The following SNX29 variants were observed in gnomAD, a reference collection of about 807,000 sequenced individuals.
The protein encoded by SNX29 is sorting nexin 29, also known as sorting nexin-29.
In SNX29, 78 loss-of-function variants were observed where a neutral mutation model predicts 102.1. That is an observed-to-expected ratio of 0.76 (90% CI 0.64 to 0.92). The LOEUF (loss-of-function observed/expected upper bound fraction) is 0.92. SNX29 is among the 40% of genes least tolerant of loss of function. SNX29 has a pLI of 0.00. For missense variants in SNX29, 1,280 were observed against 1,061.7 expected (o/e 1.21, Z -2.86); for synonymous variants, 580 against 414.5 (o/e 1.40, Z -4.85).
At chr16:12,448,584 T>C (rs2086166805) in intron 18 of SNX29, among the ~76,000 whole-genome samples, 2 of 152,166 alleles carry the variant, frequency 1.3e-5, no homozygotes, top group Non-Finnish European at 2.9e-5. Context: ...CTAAAGGTTC[T>C]GAGAAGTTGA....
chr16:12,086,641 C>G (rs1216641604), intron 11 of SNX29: 1 of 152,168 alleles, frequency 6.6e-6, no homozygotes, highest in Non-Finnish European at 1.5e-5. Flanking sequence ...TCTTGAACTC[C>G]TGGTCTCAGA....
chr16:12,564,692 G>A (rs193076333), intron 20 of SNX29, among the ~76,000 whole-genome samples: 9 of 152,150 alleles, frequency 5.9e-5, no homozygotes, highest in Non-Finnish European at 7.3e-5. Flanking sequence ...CTGTTGCTTA[G>A]GCCCCAGAGC....
At chr16:12,423,359 T>C (rs914815779) in intron 18 of SNX29, among the ~76,000 whole-genome samples, 1 of 152,070 alleles carries the variant, frequency 6.6e-6, no homozygotes, top group African/African-American at 2.4e-5. Context: ...AACCTCAGGA[T>C]GAACATCGGG....
intron 20 of SNX29, among the ~76,000 whole-genome samples, chr16:12,555,046 C>G (rs1239003841): frequency 2.0e-5 from 3 of 151,600 alleles, no homozygotes; most frequent in African/African-American, 7.3e-5. Flanking sequence ...ACCGAGCAGC[C>G]TCAAGAGGCT....
intron 16 of SNX29, among the ~76,000 whole-genome samples, chr16:12,356,808 G>T (rs1190540675): frequency 1.3e-5 from 2 of 152,258 alleles, no homozygotes; most frequent in African/African-American, 4.8e-5. Flanking sequence ...ATTGTGGGAT[G>T]TCTAGCAGCG....
chr16:12,323,412 C>T (rs923021125), intron 15 of SNX29, among the ~76,000 whole-genome samples: 20 of 151,776 alleles, frequency 1.3e-4, no homozygotes, highest in Non-Finnish European at 2.1e-4. Flanking sequence ...GTAAAGAAAA[C>T]GAGCATCATT....
rs1226625162 is a variant in SNX29 at position 12,371,215 on chromosome 16, C to G, written c.1899+14936C>G. 2.0e-5 allele frequency among the ~76,000 whole-genome samples: 3 copies of G among 152,108 alleles called. No individual in the cohort carries two copies. The East Asian group carries it at 5.8e-4, about 30-fold the overall frequency. On this transcript the variant is annotated intron_variant, in intron 16 of 20. Transcript: ENST00000566228. ...TTGATAAAGTTGGAAGAACTTCAAGCTCCTTTGGACCAACCTTCCTTCCTT... is the reference window on the plus strand; with the variant it reads ...TTGATAAAGTTGGAAGAACTTCAAGGTCCTTTGGACCAACCTTCCTTCCTT...
At chr16:12,106,407 G>A (rs946603585) in intron 11 of SNX29, among the ~76,000 whole-genome samples, 1 of 152,084 alleles carries the variant, frequency 6.6e-6, no homozygotes, top group Non-Finnish European at 1.5e-5. Flanking sequence ...TTGTCCACGT[G>A]TCCATCACAT....
chr16:12,260,479 G>A (rs1021719478), intron 14 of SNX29, among the ~76,000 whole-genome samples: 2 of 151,850 alleles, frequency 1.3e-5, no homozygotes, highest in Admixed American at 6.5e-5. Flanking sequence ...CATGTTATCT[G>A]TTGTTGTCTA....
chr16:12,565,835 C>T (rs769559393), intron 20 of SNX29, among the ~76,000 whole-genome samples: 7 of 152,206 alleles, frequency 4.6e-5, no homozygotes, highest in Admixed American at 1.3e-4. Context: ...ACCCTCCACA[C>T]CTCTGCCTCC....
chr16:12,475,197 G>A (rs954448916), intron 18 of SNX29, among the ~76,000 whole-genome samples: 2 of 152,176 alleles, frequency 1.3e-5, no homozygotes, highest in Non-Finnish European at 1.5e-5. Flanking sequence ...TTACATCAGG[G>A]GTTCCTGAAA....
In SNX29 at chr16:11,976,820, G is replaced by A. The variant is rs1354508424; in HGVS notation, c.7+7G>A. The stretch of plus-strand genomic sequence containing the variant: ...GGGAGAGGCACCATGAGCGGTGAGT[G>A]GCGGCCCCGCCGCTGTCACCTGCCC... On this transcript the variant is annotated splice_region_variant and intron_variant, in intron 1 of 20. Transcript: ENST00000566228. 1 of 1,375,936 alleles carries A rather than the reference G, an allele frequency of 7.3e-7. No individual in the cohort carries two copies. The highest frequency in any genetic ancestry group is 9.4e-7 in the Non-Finnish European group (1 of 1,064,248). The allele number at this position is 1,375,936 out of a possible 1,614,324, so 85.2% of individuals were successfully genotyped here.
chr16:12,156,946 C>G (rs1023586459), intron 13 of SNX29, among the ~76,000 whole-genome samples: 1 of 152,106 alleles, frequency 6.6e-6, no homozygotes, highest in Non-Finnish European at 1.5e-5. Flanking sequence ...GCAGGGAGGC[C>G]CCTGTTTTAG....
At chr16:12,321,774 C>G (rs767930978) in intron 15 of SNX29, among the ~76,000 whole-genome samples, 1 of 152,116 alleles carries the variant, frequency 6.6e-6, no homozygotes, top group Non-Finnish European at 1.5e-5. Flanking sequence ...AGTCATAGAT[C>G]TAGTTCTCAG....
In SNX29 at chr16:12,413,138, G is replaced by A. The variant is rs545316338; in HGVS notation, c.2037+9609G>A. On this transcript the variant is annotated intron_variant, in intron 18 of 20. Coordinates refer to ENST00000566228, the MANE Select transcript of SNX29 (RefSeq NM_032167.5). ...TCACTGAGTATTTGGTTTTGGTTAG[G>A]AAGGGAGTGTTGGGCCTGGGCAAGG... Among the ~76,000 whole-genome samples the A allele has an allele frequency of 8.8e-4, 134 of 152,294 alleles. 1 individual carries two copies. Among genetic ancestry groups the A allele is most frequent in the African/African-American group, 3.0e-3 (126 of 41,564 alleles).
At chr16:12,129,810 C>G (rs2141413463) in intron 13 of SNX29, 52 bp downstream of exon 13, 6 of 1,537,338 alleles carry the variant, frequency 3.9e-6, no homozygotes, top group Non-Finnish European at 4.4e-6. Flanking sequence ...TTCATTAAAA[C>G]CTGAGCATAC....
rs1290986177 is a variant in SNX29 at position 12,460,288 on chromosome 16, G to T, written c.2038-17431G>T. Among the ~76,000 whole-genome samples, 4 of 152,326 alleles carry T rather than the reference G, an allele frequency of 2.6e-5. No individual in the cohort carries two copies. The East Asian group carries it at 7.7e-4, about 29-fold the overall frequency. On this transcript the variant is annotated intron_variant, in intron 18 of 20. Transcript: ENST00000566228. ...GGGAAACCCTAAAACTGTCTGCTGGGCATAGTGATTTCTTTAGTATTTTCA... is the reference window on the plus strand; with the variant it reads ...GGGAAACCCTAAAACTGTCTGCTGGTCATAGTGATTTCTTTAGTATTTTCA...
At chr16:12,424,364 G>A (rs1486203570) in intron 18 of SNX29, among the ~76,000 whole-genome samples, 1 of 152,090 alleles carries the variant, frequency 6.6e-6, no homozygotes, top group Non-Finnish European at 1.5e-5. Flanking sequence ...CTCTTCCACT[G>A]CATACTTTAT....
At chr16:12,545,286 T>C (rs1223089465) in intron 20 of SNX29, among the ~76,000 whole-genome samples, 2 of 152,218 alleles carry the variant, frequency 1.3e-5, no homozygotes, top group Non-Finnish European at 2.9e-5. Context: ...GGTTTGCCAC[T>C]TCGCCCTCTT....
Sources: allele counts gnomAD v4.1 joint callset (sites outside exome capture counted in the v4.1 genomes callset), GRCh38; gene constraint gnomAD v4.1.1; transcripts MANE v1.5; gene names NCBI Gene and HGNC (gene_info 2026-07-23, HGNC 2026-07-21).